Variants in UGT2B4 observed in about 807,000 individuals in gnomAD.
UGT2B4 encodes UDP-glucuronosyltransferase 2B4.
Under a neutral mutation model 49.8 loss-of-function variants are expected in UGT2B4, and 49 were observed. The ratio of observed to expected loss-of-function variants is 0.98; its 90% CI spans 0.78 to 1.25. The LOEUF is 1.25. Among genes scored for constraint, UGT2B4 ranks in the 50% most tolerant of loss-of-function variants. UGT2B4 has a pLI of 0.00. For synonymous variants in UGT2B4, 246 were observed against 217.7 expected, an observed-to-expected ratio of 1.13 and a Z score of -1.14; for missense variants, 729 against 627.7, an observed-to-expected ratio of 1.16 and a Z score of -1.73.
chr4:69,485,673 T>G (rs1414191435), intron 4 of UGT2B4, among the ~76,000 whole-genome samples: 1 of 143,222 alleles, frequency 7.0e-6, no homozygotes, highest in African/African-American at 2.6e-5. Flanking sequence ...AAAGGTGCAA[T>G]TTAGATAAGG....
At chr4:69,525,668 C>A (rs1388650977) in intron 1 of UGT2B4, 3 of 1,264,332 alleles carry the variant, frequency 2.4e-6, no homozygotes, top group East Asian at 1.2e-4. Flanking sequence ...ACATTCAATG[C>A]ACAATTTATA....
intron 2 of UGT2B4, among the ~76,000 whole-genome samples, chr4:69,492,747 CT>C (rs139031921): frequency 1.3e-5 from 2 of 151,928 alleles, no homozygotes; most frequent in African/African-American, 4.8e-5. Context: ...TTTGTATTAA[CT>C]TTTTTCCACA....
chr4:69,522,868 T>C (rs1728879633), intron 1 of UGT2B4, among the ~76,000 whole-genome samples: 1 of 152,202 alleles, frequency 6.6e-6, no homozygotes, highest in Non-Finnish European at 1.5e-5. Flanking sequence ...TCAAGCATGT[T>C]TATGTAACAT....
intron 5 of UGT2B4, among the ~76,000 whole-genome samples, chr4:69,484,307 G>T (rs1198212899): frequency 2.0e-5 from 3 of 152,056 alleles, no homozygotes; most frequent in African/African-American, 7.2e-5. Context: ...CTACCCAAAA[G>T]AAATGAAATC....
exon 1 of UGT2B4, chr4:69,525,987 G>C (rs1728976291): frequency 5.5e-6 from 1 of 183,476 alleles, no homozygotes; most frequent in Non-Finnish European, 1.1e-5. Context: ...TGTAGTCCCA[G>C]CTACTCCGGA....
At chr4:69,500,658 AAAG>A (rs1728293714), upstream of UGT2B4, among the ~76,000 whole-genome samples, 6 of 118,732 alleles carry the variant, frequency 5.1e-5, no homozygotes, top group South Asian at 2.7e-4. Flanking sequence ...AGAAAGAAAG[AAAG>A]AAAGAAAGGA....
intron 2 of UGT2B4, among the ~76,000 whole-genome samples, chr4:69,491,609 A>G (rs933625602): frequency 7.9e-5 from 12 of 152,124 alleles, no homozygotes; most frequent in African/African-American, 2.9e-4. Flanking sequence ...GGCTTTCACA[A>G]CCATTGACTT....
At chr4:69,483,592 C>A (rs1727677640) in intron 5 of UGT2B4, among the ~76,000 whole-genome samples, 1 of 151,770 alleles carries the variant, frequency 6.6e-6, no homozygotes, top group Non-Finnish European at 1.5e-5. Flanking sequence ...CCAATTATTT[C>A]CTGTATTCTT....
upstream of UGT2B4, among the ~76,000 whole-genome samples, chr4:69,496,491 G>C (rs1252668501): frequency 6.6e-6 from 1 of 152,124 alleles, no homozygotes; most frequent in Non-Finnish European, 1.5e-5. Flanking sequence ...GCTAAATGTG[G>C]TTCAAAAACT....
At chr4:69,524,504 C>T (rs1025798215) in intron 1 of UGT2B4, among the ~76,000 whole-genome samples, 2 of 151,602 alleles carry the variant, frequency 1.3e-5, no homozygotes, top group Non-Finnish European at 1.5e-5. Context: ...GTGACACCCA[C>T]AAACAATTAC....
chr4:69,522,010 T>C (rs764021558), intron 1 of UGT2B4, among the ~76,000 whole-genome samples: 1 of 152,134 alleles, frequency 6.6e-6, no homozygotes, highest in South Asian at 2.1e-4. Flanking sequence ...ATATATAGCC[T>C]TTTTTATCCA....
intron 1 of UGT2B4, among the ~76,000 whole-genome samples, chr4:69,505,282 C>A (rs1029596841): frequency 6.6e-6 from 1 of 152,046 alleles, no homozygotes. Flanking sequence ...GAGGGGTAAG[C>A]TGGTTAAAGA....
intron 2 of UGT2B4, among the ~76,000 whole-genome samples, chr4:69,492,705 A>T (rs1049644861): frequency 2.4e-4 from 36 of 152,124 alleles, no homozygotes; most frequent in Admixed American, 2.3e-3. Flanking sequence ...CTGAATCACT[A>T]ACTATATGCC....
chr4:69,510,652 A>T (rs187377015), intron 1 of UGT2B4, among the ~76,000 whole-genome samples: 43 of 152,214 alleles, frequency 2.8e-4, no homozygotes, highest in African/African-American at 1.0e-3. Flanking sequence ...ACAGAAAGAT[A>T]ACTGATTTTT....
intron 1 of UGT2B4, among the ~76,000 whole-genome samples, chr4:69,520,882 A>G (rs951018013): frequency 1.3e-5 from 2 of 152,152 alleles, no homozygotes; most frequent in Non-Finnish European, 2.9e-5. Context: ...TCTTCAAGCT[A>G]GGGGCACCCT....
At chr4:69,493,866 G>A in intron 1 of UGT2B4, 25 bp from the exon 2 acceptor site, 1 of 1,579,618 alleles carries the variant, frequency 6.3e-7, no homozygotes, top group Non-Finnish European at 8.6e-7. Flanking sequence ...AAAAAGAAAA[G>A]ATAGATGACA....
upstream of UGT2B4, among the ~76,000 whole-genome samples, chr4:69,499,839 T>C (rs1728255667): frequency 6.6e-6 from 1 of 152,186 alleles, no homozygotes; most frequent in Admixed American, 6.5e-5. Flanking sequence ...TATTTTTTAA[T>C]TGGGGCATTT....
intron 3 of UGT2B4, among the ~76,000 whole-genome samples, chr4:69,487,950 A>G (rs1273342244): frequency 1.3e-5 from 2 of 152,084 alleles, no homozygotes; most frequent in East Asian, 3.9e-4. Flanking sequence ...GAAGTAGTTC[A>G]CTTATATCTA....
intron 1 of UGT2B4, chr4:69,518,035 A>T (rs6838730): frequency 0.14 from 21,629 of 152,376 alleles, 1,852 homozygotes; most frequent in Non-Finnish European, 0.19. Context: ...AGTTTTAAAA[A>T]TTTCTCTAGA....
Sources: allele counts gnomAD v4.1 joint callset (sites outside exome capture counted in the v4.1 genomes callset), GRCh38; gene constraint gnomAD v4.1.1; transcripts MANE v1.5; gene names NCBI Gene and HGNC (gene_info 2026-07-23, HGNC 2026-07-21).